VPS39: variants seen among roughly 807,000 people sequenced by gnomAD.
The protein encoded by VPS39 is vam6/Vps39-like protein.
VPS39 carries 70 observed loss-of-function variants against 121.0 expected under a neutral mutation model. The observed-to-expected ratio is 0.58, with a 90% CI of 0.48 to 0.71. The LOEUF (loss-of-function observed/expected upper bound fraction) is 0.71. Among genes scored for constraint, VPS39 ranks in the 30% least tolerant of loss-of-function variants. VPS39 has a pLI of 0.00. For synonymous variants in VPS39, 378 were observed against 398.1 expected, an observed-to-expected ratio of 0.95 and a Z score of 0.60; for missense variants, 818 against 1,051.5, an observed-to-expected ratio of 0.78 and a Z score of 3.07.
intron 2 of VPS39, among the ~76,000 whole-genome samples, chr15:42,199,049 C>T (rs2050007671): frequency 6.6e-6 from 1 of 152,084 alleles, no homozygotes; most frequent in Non-Finnish European, 1.5e-5. Flanking sequence ...CACAAGAGAG[C>T]TCTATTTATC....
chr15:42,184,801 A>T, intron 7 of VPS39, 101 bp from the exon 8 acceptor site: 1 of 1,130,590 alleles, frequency 8.8e-7, no homozygotes, highest in Non-Finnish European at 1.3e-6. Context: ...AGCCAATAAT[A>T]TTCCTTGTTT....
intron 2 of VPS39, among the ~76,000 whole-genome samples, chr15:42,194,543 G>A (rs569368936): frequency 6.6e-6 from 1 of 152,106 alleles, no homozygotes; most frequent in African/African-American, 2.4e-5. Context: ...GGGCCACCCT[G>A]GGCAAGAAGA....
At chr15:42,166,420 G>A (rs2049243438) in intron 15 of VPS39, 143 bp downstream of exon 15, 2 of 1,158,116 alleles carry the variant, frequency 1.7e-6, no homozygotes, top group Admixed American at 2.2e-5. Flanking sequence ...ACCACCGAGG[G>A]ACTTTTATGC....
Position 42,162,143 on chromosome 15 carries a change from G to A in VPS39, c.2349C>T (p.Asn783=). 2 of 1,614,208 alleles carry A rather than the reference G, an allele frequency of 1.2e-6. No individual in the cohort carries two copies. The highest frequency in any genetic ancestry group is 1.7e-6 in the Non-Finnish European group (2 of 1,180,050). Residue 783 remains asparagine, a synonymous_variant, in exon 23 of 25, where the codon AAC becomes AAT. Transcript: ENST00000318006. The part of the protein sequence containing the change: ...TTKALNLLPA[N]TQINDIRIFL... ...AGATGCGTATGTCATTGATCTGAGTGTTTGCTGGCAGAAGGTTGAGGGCCT... is the reference window on the plus strand; with the variant it reads ...AGATGCGTATGTCATTGATCTGAGTATTTGCTGGCAGAAGGTTGAGGGCCT...
intron 11 of VPS39, among the ~76,000 whole-genome samples, chr15:42,171,863 A>G (rs1456454784): frequency 1.3e-5 from 2 of 152,060 alleles, no homozygotes; most frequent in Non-Finnish European, 2.9e-5. Flanking sequence ...CTTCCAGGCT[A>G]TGTGGAGTCT....
intron 5 of VPS39, among the ~76,000 whole-genome samples, chr15:42,188,534 G>A (rs2049752120): frequency 6.6e-6 from 1 of 152,086 alleles, no homozygotes; most frequent in African/African-American, 2.4e-5. Context: ...CCCAACAATG[G>A]TTTGTCCAGG....
chr15:42,203,323 T>A (rs919519077), intron 1 of VPS39, among the ~76,000 whole-genome samples: 17 of 151,898 alleles, frequency 1.1e-4, no homozygotes, highest in African/African-American at 3.9e-4. Context: ...ACAAAAAAAA[T>A]TAGCCAGGCA....
chr15:42,204,027 C>T (rs2050119523), intron 1 of VPS39, among the ~76,000 whole-genome samples: 1 of 152,236 alleles, frequency 6.6e-6, no homozygotes, highest in African/African-American at 2.4e-5. Context: ...GGACTTAATT[C>T]CTCCTGAGAA....
chr15:42,175,561 T>C (rs1465385853), intron 10 of VPS39, among the ~76,000 whole-genome samples: 1 of 152,212 alleles, frequency 6.6e-6, no homozygotes, highest in Non-Finnish European at 1.5e-5. Context: ...TATACCTCTT[T>C]AGCCAATCTT....
chr15:42,163,110 C>A (rs1410004380), intron 21 of VPS39, among the ~76,000 whole-genome samples: 1 of 152,158 alleles, frequency 6.6e-6, no homozygotes, highest in African/African-American at 2.4e-5. Flanking sequence ...TGACACAAAT[C>A]AAGAGAGTAA....
In VPS39 at chr15:42,166,571, T is replaced by C. The variant is rs768963987; in HGVS notation, c.1598A>G (p.Gln533Arg). The stretch of plus-strand genomic sequence containing the variant: ...TCAAAAGGCGGACTTACCCAGATGC[T>C]GCAGATACTGCACTGTCCTCTCGTG... ...KGHERTVQYL[Q>R]HLGTENLHLI... The change falls in exon 15 of 25, where the codon CAG becomes CGG. Residue 533 changes from glutamine to arginine, a missense_variant. Physicochemically the swap from Gln to Arg is conservative, Grantham distance 43. Transcript: ENST00000318006. 6.2e-7 allele frequency: 1 copy of C among 1,614,234 alleles called. No homozygotes were observed. Among genetic ancestry groups the C allele is most frequent in the Non-Finnish European group, 8.5e-7 (1 of 1,180,040 alleles).
chr15:42,185,416 C>T (rs2049680982), intron 7 of VPS39, among the ~76,000 whole-genome samples: 2 of 152,018 alleles, frequency 1.3e-5, no homozygotes, highest in Non-Finnish European at 2.9e-5. Context: ...ATCTCCTGAC[C>T]TCGTGATCCA....
At chr15:42,165,328 C>T (rs188679202) in intron 17 of VPS39, 129 of 580,824 alleles carry the variant, frequency 2.2e-4, no homozygotes, top group Non-Finnish European at 8.5e-5. Context: ...TACTAAACTC[C>T]ATTTTACTAA....
intron 21 of VPS39, 105 bp from the exon 22 acceptor site, chr15:42,162,586 T>C (rs1446115835): frequency 1.5e-6 from 2 of 1,321,420 alleles, no homozygotes; most frequent in East Asian, 5.1e-5. Flanking sequence ...CAGTAACAGC[T>C]ATCACTGAGC....
intron 1 of VPS39, among the ~76,000 whole-genome samples, chr15:42,203,530 T>C (rs1264564736): frequency 6.7e-6 from 1 of 149,814 alleles, no homozygotes; most frequent in Non-Finnish European, 1.5e-5. Context: ...TCCCAGGTAC[T>C]AGGGAGGCTG....
At chr15:42,185,475 G>A (rs754400195) in intron 7 of VPS39, among the ~76,000 whole-genome samples, 5 of 152,060 alleles carry the variant, frequency 3.3e-5, no homozygotes, top group Admixed American at 6.6e-5. Context: ...GAGCCACCGC[G>A]CCTGGCCAAA....
chr15:42,203,642 CA>C (rs1014199403), intron 1 of VPS39, among the ~76,000 whole-genome samples: 26 of 143,916 alleles, frequency 1.8e-4, no homozygotes, highest in African/African-American at 5.6e-4. Flanking sequence ...ATTCTGCCTC[CA>C]AAAAAAAAAT....
intron 13 of VPS39, 115 bp from the exon 14 acceptor site, chr15:42,167,028 A>G (rs2049257096): frequency 2.1e-6 from 3 of 1,449,012 alleles, no homozygotes; most frequent in Non-Finnish European, 2.8e-6. Context: ...AAGAGAAAGC[A>G]GACAGCCCTC....
rs546186878 is a variant in VPS39, at chr15:42,178,548, A to G, written c.741T>C (p.Ile247=). 2.5e-6 allele frequency: 4 copies of G among 1,614,144 alleles called. No homozygotes were observed. The highest frequency in any genetic ancestry group is 2.2e-5 in the East Asian group (1 of 44,876). Residue 247 remains isoleucine, a synonymous_variant, in exon 9 of 25, where the codon ATT becomes ATC. Coordinates refer to ENST00000318006, the MANE Select transcript of VPS39 (RefSeq NM_015289.5). ...VAMEHQPPYI[I]AVLPRYVEIR... ...TCTCAACATATCGAGGCAACACTGC[A>G]ATGATGTAGGGAGGCTGGTGCTCTG...
Sources: allele counts gnomAD v4.1 joint callset (sites outside exome capture counted in the v4.1 genomes callset), GRCh38; gene constraint gnomAD v4.1.1; transcripts MANE v1.5; gene names NCBI Gene and HGNC (gene_info 2026-07-23, HGNC 2026-07-21).